SLIT3: variants seen among roughly 807,000 people sequenced by gnomAD.
The protein encoded by SLIT3 is slit homolog 3 protein.
In SLIT3, 68 loss-of-function variants were observed where a neutral mutation model predicts 184.0. The observed-to-expected ratio is 0.37, with a 90% confidence interval of 0.30 to 0.45. The LOEUF (loss-of-function observed/expected upper bound fraction) is 0.45, where lower values mean the gene tolerates loss of function less well. Ranked by LOEUF, SLIT3 falls within the 20% of genes least tolerant of loss-of-function variation. SLIT3 has a pLI of 1.00. For missense variants in SLIT3, 1,707 were observed against 2,026.0 expected (o/e 0.84, Z 3.02); for synonymous variants, 831 against 828.6 (o/e 1.00, Z -0.05).
At chr5:168,714,260 T>TG (rs1220079636) in intron 23 of SLIT3, among the ~76,000 whole-genome samples, 1 of 152,262 alleles carries the variant, frequency 6.6e-6, no homozygotes, top group East Asian at 1.9e-4. Flanking sequence ...CATGGCTTCA[T>TG]GGCTGCTTGC....
intron 20 of SLIT3, among the ~76,000 whole-genome samples, chr5:168,734,699 C>A (rs189422328): frequency 1.3e-5 from 2 of 152,340 alleles, no homozygotes; most frequent in East Asian, 3.9e-4. Context: ...GCTGTCTTTT[C>A]ATCACAGCAT....
chr5:168,670,359 C>T (rs1761198563), intron 34 of SLIT3, among the ~76,000 whole-genome samples: 3 of 152,210 alleles, frequency 2.0e-5, no homozygotes, highest in Non-Finnish European at 4.4e-5. Flanking sequence ...CCACTACTAC[C>T]AGCAGGTACC....
chr5:168,727,319 CA>C (rs1037212363), intron 20 of SLIT3, among the ~76,000 whole-genome samples: 2 of 144,486 alleles, frequency 1.4e-5, no homozygotes, highest in African/African-American at 2.6e-5. Context: ...GACTCCGTCT[CA>C]AAAAAAAAGA....
intron 4 of SLIT3, among the ~76,000 whole-genome samples, chr5:169,066,429 T>C (rs1043141159): frequency 6.6e-6 from 1 of 152,120 alleles, no homozygotes; most frequent in African/African-American, 2.4e-5. Flanking sequence ...GGCCAACATA[T>C]GCATGAAAAA....
At chr5:168,807,245 C>T (rs941179864) in intron 8 of SLIT3, among the ~76,000 whole-genome samples, 2 of 152,098 alleles carry the variant, frequency 1.3e-5, no homozygotes, top group African/African-American at 4.8e-5. Flanking sequence ...AGCAAAGTGA[C>T]AGAAAGCCAA....
At chr5:168,953,541 C>T (rs10058421) in intron 4 of SLIT3, among the ~76,000 whole-genome samples, 3,505 of 152,296 alleles carry the variant, frequency 0.023, 144 homozygotes, top group African/African-American at 0.078. Flanking sequence ...GGTTCTCCTC[C>T]GTAACGTGAA....
chr5:168,728,277 C>CATATATATATATATATATATATATATAT (rs3061738), intron 20 of SLIT3, among the ~76,000 whole-genome samples: 12 of 141,004 alleles, frequency 8.5e-5, no homozygotes, highest in African/African-American at 2.8e-4. Context: ...TAATCAACAA[C>CATATATATATATATATATATATATATAT]ATATATATAT....
At chr5:169,227,615 G>A (rs1764857861) in intron 3 of SLIT3, among the ~76,000 whole-genome samples, 1 of 152,062 alleles carries the variant, frequency 6.6e-6, no homozygotes, top group African/African-American at 2.4e-5. Context: ...TTTAGTAGAG[G>A]CAGGGTTTCA....
chr5:168,717,522 G>A (rs2611844), intron 23 of SLIT3, among the ~76,000 whole-genome samples: 5 of 152,116 alleles, frequency 3.3e-5, no homozygotes, highest in African/African-American at 9.7e-5. Context: ...GCTCCCTGAG[G>A]GCAACAATTG....
Position 168,669,841 on chromosome 5 carries a change from G to T in SLIT3, c.4278C>A (p.Asp1426Glu), listed in dbSNP as rs1196231023. 4 of 1,614,060 alleles carry T rather than the reference G, an allele frequency of 2.5e-6. No individual in the cohort carries two copies. Among genetic ancestry groups the T allele is most frequent in the East Asian group, 4.5e-5 (2 of 44,892 alleles). The change falls in exon 35 of 36, where the codon GAC becomes GAA. Residue 1426 changes from aspartate to glutamate, a missense_variant. By Grantham distance (45) the Asp-to-Glu change is conservative. Around this residue, in one of 3 missense-constraint regions of SLIT3, gnomAD observed 387 missense variants for 477.9 expected, o/e 0.81. Coordinates refer to ENST00000519560, the MANE Select transcript of SLIT3 (RefSeq NM_003062.4). ...KCHHGQCHIS[D>E]QGEPYCLCQP... ...GGCACAGGCAGTAGGGCTCCCCTTG[G>T]TCTGAGATGTGGCACTGCCCATGGT...
At chr5:168,754,155 C>T (rs1754814180) in intron 16 of SLIT3, 148 bp from the exon 17 acceptor site, 3 of 778,084 alleles carry the variant, frequency 3.9e-6, no homozygotes, top group Non-Finnish European at 4.0e-6. Flanking sequence ...GTCTGGGGCT[C>T]CCTGAACTTT....
intron 4 of SLIT3, among the ~76,000 whole-genome samples, chr5:169,071,452 G>T (rs1220632380): frequency 1.3e-5 from 2 of 152,306 alleles, no homozygotes; most frequent in East Asian, 3.9e-4. Flanking sequence ...GCGTTTGAGG[G>T]AAAGGTAGTT....
At chr5:168,789,515 G>C (rs758517296) in intron 11 of SLIT3, 45 bp downstream of exon 11, 17 of 1,477,730 alleles carry the variant, frequency 1.2e-5, no homozygotes, top group Non-Finnish European at 1.6e-5. Context: ...TCCCTCCAGC[G>C]CCCCCCCTCC....
chr5:168,819,125 A>C (rs1300086807), intron 7 of SLIT3, among the ~76,000 whole-genome samples: 1 of 152,196 alleles, frequency 6.6e-6, no homozygotes, highest in East Asian at 1.9e-4. Flanking sequence ...GAAAGCTTAG[A>C]GTTCTTGAGC....
At chr5:169,251,545 G>A in intron 1 of SLIT3, 86 bp from the exon 2 acceptor site, 1 of 906,548 alleles carries the variant, frequency 1.1e-6, no homozygotes, top group South Asian at 1.3e-5. Flanking sequence ...CTGAAGGGAT[G>A]TTGCTTGTCC....
At chr5:168,768,834 T>C (rs1249012042) in intron 14 of SLIT3, among the ~76,000 whole-genome samples, 1 of 152,186 alleles carries the variant, frequency 6.6e-6, no homozygotes, top group Non-Finnish European at 1.5e-5. Flanking sequence ...TCAGCAGGAA[T>C]GCTCTGGCTG....
At chr5:168,894,310 CA>C (rs1267240335) in intron 4 of SLIT3, among the ~76,000 whole-genome samples, 1 of 152,108 alleles carries the variant, frequency 6.6e-6, no homozygotes, top group East Asian at 1.9e-4. Flanking sequence ...TTCGTGTAGG[CA>C]GGAGCATTTG....
intron 32 of SLIT3, among the ~76,000 whole-genome samples, chr5:168,674,845 G>GGACAAGA (rs72149068): frequency 0.036 from 5,443 of 152,162 alleles, 322 homozygotes; most frequent in African/African-American, 0.12. Context: ...TCTCTAACAG[G>GGACAAGA]GCCAAGAGCC....
intron 4 of SLIT3, among the ~76,000 whole-genome samples, chr5:169,107,533 T>A (rs1760258340): frequency 6.6e-6 from 1 of 152,218 alleles, no homozygotes. Flanking sequence ...TTCTGCGTGG[T>A]GATAACCTCT....
Sources: allele counts gnomAD v4.1 joint callset (sites outside exome capture counted in the v4.1 genomes callset), GRCh38; gene constraint gnomAD v4.1.1; regional missense constraint gnomAD v4.1.1; transcripts MANE v1.5; gene names NCBI Gene and HGNC (gene_info 2026-07-23, HGNC 2026-07-21).